Variants in L3HYPDH observed in about 807,000 individuals in gnomAD.
L3HYPDH encodes trans-L-3-hydroxyproline dehydratase.
In L3HYPDH, 32 loss-of-function variants were observed where a neutral mutation model predicts 26.5. The ratio of observed to expected loss-of-function variants is 1.21; its 90% confidence interval spans 0.91 to 1.62. The LOEUF (loss-of-function observed/expected upper bound fraction) is 1.62, where lower values mean the gene tolerates loss of function less well. Ranked by LOEUF, L3HYPDH falls within the 40% of genes most tolerant of loss-of-function variation. The pLI is 0.00. For synonymous variants in L3HYPDH, 215 were observed against 196.6 expected, an observed-to-expected ratio of 1.09 and a Z score of -0.78; for missense variants, 554 against 476.4, an observed-to-expected ratio of 1.16 and a Z score of -1.52.
At chr14:59,501,269 TAG>T in the L3HYPDH span, 1 of 1,573,944 alleles carries the variant, frequency 6.4e-7, no homozygotes. Context: ...GAAATAGAGG[TAG>T]GAAGTCTTTT....
chr14:59,475,837 T>A (rs761281262), intron 4 of L3HYPDH, 32 bp downstream of exon 4: 1 of 1,591,488 alleles, frequency 6.3e-7, no homozygotes. Flanking sequence ...GAGTGACACA[T>A]TTATAAATAA....
At chr14:59,486,786 A>G, upstream of L3HYPDH, 4 of 1,579,486 alleles carry the variant, frequency 2.5e-6, no homozygotes, top group Non-Finnish European at 3.5e-6. Context: ...GCTCAACTGA[A>G]ATATATGGAG....
the L3HYPDH span, chr14:59,494,908 G>T: frequency 6.7e-5 from 49 of 731,702 alleles, no homozygotes; most frequent in East Asian, 1.1e-4. Context: ...AGTAGTTTTT[G>T]ACTTTTCTTA....
chr14:59,497,057 T>G, the L3HYPDH span, among the ~76,000 whole-genome samples: 1 of 151,778 alleles, frequency 6.6e-6, no homozygotes, highest in Non-Finnish European at 1.5e-5. Context: ...CCAGAAACCT[T>G]TGGAACACTA....
the L3HYPDH span, among the ~76,000 whole-genome samples, chr14:59,502,773 T>TTTTTGTTTTTTTTTTTTTTTTTTTG: frequency 1.9e-5 from 2 of 102,834 alleles, no homozygotes; most frequent in South Asian, 3.3e-4. Context: ...TTTTTTTTTT[T>TTTTTGTTTTTTTTTTTTTTTTTTTG]CGGAGTCTCA....
upstream of L3HYPDH, among the ~76,000 whole-genome samples, chr14:59,485,284 C>T (rs8005861): frequency 0.43 from 65,550 of 152,040 alleles, 14,625 homozygotes; most frequent in African/African-American, 0.54. Context: ...TCTTGAAAAA[C>T]CTGAAATATT....
chr14:59,483,218 G>T (rs1180214105), intron 1 of L3HYPDH, among the ~76,000 whole-genome samples: 1 of 152,222 alleles, frequency 6.6e-6, no homozygotes, highest in Non-Finnish European at 1.5e-5. Context: ...ATTTGCCTAA[G>T]GTTGCACAGC....
At chr14:59,502,766 T>C in the L3HYPDH span, among the ~76,000 whole-genome samples, 1 of 2,824 alleles carries the variant, frequency 3.5e-4, no homozygotes, top group Non-Finnish European at 3.7e-3. Flanking sequence ...TTTTTTTTTT[T>C]TTTTTTTCGG....
the L3HYPDH span, chr14:59,505,195 TGTA>T: frequency 1.9e-6 from 2 of 1,035,296 alleles, no homozygotes; most frequent in East Asian, 2.7e-5. Flanking sequence ...TCACTTTTCC[TGTA>T]GTAGTCTGTC....
chr14:59,479,442 C>T lies in L3HYPDH; in HGVS notation c.509-91G>A, dbSNP rs1889863986. On this transcript the variant is annotated intron_variant, in intron 1 of 4. Coordinates refer to ENST00000247194, the MANE Select transcript of L3HYPDH (RefSeq NM_144581.2). ...AAGGATTTTTAATATGTTTATTTTT[C>T]AAGAGGGATGTTCTTTTCCTATCAT... 2.6e-6 allele frequency: 3 copies of T among 1,161,244 alleles called. No homozygotes were observed. The African/African-American group carries it at 4.7e-5, about 18-fold the overall frequency. 71.9% of individuals were successfully genotyped at this position (1,161,244 alleles called of 1,614,324 possible).
chr14:59,484,735 C>T (rs1890386277), upstream of L3HYPDH: 1 of 1,125,354 alleles, frequency 8.9e-7, no homozygotes, highest in South Asian at 1.4e-5. Flanking sequence ...GCCCTCGGGC[C>T]GGGCTCCGCA....
At chr14:59,499,866 CTA>C in the L3HYPDH span, among the ~76,000 whole-genome samples, 1 of 152,190 alleles carries the variant, frequency 6.6e-6, no homozygotes, top group African/African-American at 2.4e-5. Flanking sequence ...TCTAGCTCCT[CTA>C]TTTCCCTGTT....
the L3HYPDH span, among the ~76,000 whole-genome samples, chr14:59,492,510 T>C: frequency 6.6e-6 from 1 of 152,196 alleles, no homozygotes; most frequent in South Asian, 2.1e-4. Context: ...TAAGAGTCAC[T>C]GAACTCAAGA....
At chr14:59,504,956 G>C in the L3HYPDH span, 1 of 228,474 alleles carries the variant, frequency 4.4e-6, no homozygotes, top group Admixed American at 5.4e-5. Flanking sequence ...TTTGTGGTTT[G>C]TGATAGGTGT....
At chr14:59,494,704 C>G in the L3HYPDH span, among the ~76,000 whole-genome samples, 1 of 152,032 alleles carries the variant, frequency 6.6e-6, no homozygotes, top group African/African-American at 2.4e-5. Context: ...TACTTTCTAA[C>G]AAACACGTTA....
downstream of L3HYPDH, among the ~76,000 whole-genome samples, chr14:59,469,382 G>A (rs751754264): frequency 2.6e-5 from 4 of 151,714 alleles, no homozygotes; most frequent in Admixed American, 6.6e-5. Context: ...GTGAAATCCC[G>A]TCTCTACTAA....
chr14:59,487,329 T>G (rs951929538), upstream of L3HYPDH: 1 of 163,086 alleles, frequency 6.1e-6, no homozygotes, highest in African/African-American at 2.4e-5. Context: ...AATTTCTAAT[T>G]TATGATTTGG....
At chr14:59,497,887 C>A in the L3HYPDH span, among the ~76,000 whole-genome samples, 23 of 152,086 alleles carry the variant, frequency 1.5e-4, no homozygotes, top group Non-Finnish European at 2.6e-4. Flanking sequence ...CTAGGACACT[C>A]CCCTGTATAG....
At chr14:59,469,898 A>G (rs1889271644), downstream of L3HYPDH, among the ~76,000 whole-genome samples, 1 of 152,208 alleles carries the variant, frequency 6.6e-6, no homozygotes, top group African/African-American at 2.4e-5. Flanking sequence ...AATGAATGTG[A>G]CAATTTAAGG....
Sources: gnomAD v4.1 joint callset for allele counts (sites outside exome capture counted in the v4.1 genomes callset) on GRCh38, gnomAD v4.1.1 for gene constraint, MANE v1.5 for transcripts, NCBI Gene and HGNC (gene_info 2026-07-23, HGNC 2026-07-21) for gene names.